Variants in XKR4 observed in about 807,000 individuals in gnomAD.
The protein encoded by XKR4 is XK-related protein 4.
In XKR4, 12 loss-of-function variants were observed where a neutral mutation model predicts 53.9. The observed-to-expected ratio is 0.22, with a 90% CI of 0.14 to 0.36. The LOEUF is 0.36. Among genes scored for constraint, XKR4 ranks in the 10% least tolerant of loss-of-function variants. The pLI is 1.00. For missense variants in XKR4, 799 were observed against 859.5 expected, an observed-to-expected ratio of 0.93 and a Z score of 0.88; for synonymous variants, 354 against 362.4, an observed-to-expected ratio of 0.98 and a Z score of 0.26.
chr8:55,383,504 A>G (rs1804264948), intron 2 of XKR4, among the ~76,000 whole-genome samples: 1 of 152,260 alleles, frequency 6.6e-6, no homozygotes, highest in South Asian at 2.1e-4. Flanking sequence ...CATTCTGATT[A>G]TGTAGAAGAG....
At chr8:55,115,559 C>T (rs559628060) in intron 1 of XKR4, among the ~76,000 whole-genome samples, 22 of 152,208 alleles carry the variant, frequency 1.4e-4, no homozygotes, top group African/African-American at 3.9e-4. Context: ...ACACGCTGGG[C>T]GGATCATGAG....
chr8:55,176,774 A>G (rs920721161), intron 1 of XKR4, among the ~76,000 whole-genome samples: 8 of 152,122 alleles, frequency 5.3e-5, no homozygotes, highest in African/African-American at 1.9e-4. Flanking sequence ...TTTCTCATAC[A>G]TAAATAATGA....
chr8:55,220,019 A>G (rs1817859669), intron 1 of XKR4, among the ~76,000 whole-genome samples: 1 of 152,184 alleles, frequency 6.6e-6, no homozygotes, highest in Non-Finnish European at 1.5e-5. Flanking sequence ...CATAGTTAAA[A>G]ATAATATATT....
chr8:55,449,742 G>A (rs1311967825), intron 2 of XKR4: 5 of 970,848 alleles, frequency 5.2e-6, no homozygotes, highest in Non-Finnish European at 8.4e-6. Flanking sequence ...TCGTAGTAGC[G>A]TAGCTGGTGC....
chr8:55,169,423 A>C (rs1817119294), intron 1 of XKR4, among the ~76,000 whole-genome samples: 1 of 152,240 alleles, frequency 6.6e-6, no homozygotes, highest in South Asian at 2.1e-4. Flanking sequence ...GCCAAACCCA[A>C]TATGAAAGTC....
chr8:55,450,792 C>A, intron 2 of XKR4: 1 of 529,606 alleles, frequency 1.9e-6, no homozygotes, highest in Non-Finnish European at 3.6e-6. Flanking sequence ...AGAACAGCTG[C>A]ACCAAGGATA....
chr8:55,384,552 AG>A (rs1804282816), intron 2 of XKR4, among the ~76,000 whole-genome samples: 1 of 152,234 alleles, frequency 6.6e-6, no homozygotes, highest in South Asian at 2.1e-4. Flanking sequence ...GGCAGTTCCA[AG>A]CAAGGACTCT....
At chr8:55,328,694 C>T (rs370249283) in intron 1 of XKR4, among the ~76,000 whole-genome samples, 5 of 152,160 alleles carry the variant, frequency 3.3e-5, no homozygotes, top group East Asian at 1.9e-4. Context: ...GTGATGCCAC[C>T]GCATGACCTT....
At chr8:55,363,550 TGA>T (rs1336822212) in intron 2 of XKR4, among the ~76,000 whole-genome samples, 1 of 152,204 alleles carries the variant, frequency 6.6e-6, no homozygotes, top group Non-Finnish European at 1.5e-5. Flanking sequence ...CCTCTCCTGT[TGA>T]GCACTCTTGA....
chr8:55,287,931 C>G (rs1305914516), intron 1 of XKR4, among the ~76,000 whole-genome samples: 1 of 152,210 alleles, frequency 6.6e-6, no homozygotes, highest in Non-Finnish European at 1.5e-5. Flanking sequence ...TTACTTTGCA[C>G]AAGACATATC....
Position 55,335,421 on chromosome 8 carries a change from C to T in XKR4, c.807-22257C>T, listed in dbSNP as rs143270258. Among the ~76,000 whole-genome samples, 331 of 151,330 alleles carry T rather than the reference C, an allele frequency of 2.2e-3. 2 individuals carry two copies. Among genetic ancestry groups the T allele is most frequent in the African/African-American group, 7.6e-3 (313 of 41,220 alleles). Reference sequence around the variant, plus strand: ...TATAGATCTTAAAAACATGACACTGCGAGAAAAAAATAAAGGAAAATATTT... The same window carrying T: ...TATAGATCTTAAAAACATGACACTGTGAGAAAAAAATAAAGGAAAATATTT... On this transcript the variant is annotated intron_variant, in intron 1 of 2. Transcript: ENST00000327381.
chr8:55,197,227 T>C (rs985265935), intron 1 of XKR4, among the ~76,000 whole-genome samples: 1 of 152,178 alleles, frequency 6.6e-6, no homozygotes, highest in Non-Finnish European at 1.5e-5. Context: ...CATTTCCATA[T>C]ATCTATAATC....
intron 1 of XKR4, among the ~76,000 whole-genome samples, chr8:55,315,403 A>G (rs141855429): frequency 6.6e-6 from 1 of 152,172 alleles, no homozygotes. Flanking sequence ...AAATAAGTAA[A>G]TAAGATGTGT....
At position 55,527,854 on chromosome 8, in the gene XKR4, A is replaced by G. The variant is rs535521148; in HGVS notation, c.*3627A>G. ...CTAAATGCCCAATTTATTTTGCTCT[A>G]TGAGTAAAGGAAGTGATTGCACAGA... On this transcript the variant is annotated 3_prime_UTR_variant, in exon 3 of 3. Transcript: ENST00000327381. The G allele has an allele frequency of 1.3e-5, 2 of 152,360 alleles. No individual in the cohort carries two copies. The highest frequency in any genetic ancestry group is 1.9e-4 in the East Asian group (1 of 5,196). 9.4% of individuals were successfully genotyped at this position (152,360 alleles called of 1,614,324 possible).
At position 55,526,048 on chromosome 8, in the gene XKR4, C is replaced by G. The variant is rs766361222; in HGVS notation, c.*1821C>G. The G allele has an allele frequency of 5.2e-5, 8 of 152,602 alleles. No homozygotes were observed. The highest frequency in any genetic ancestry group is 1.0e-4 in the Non-Finnish European group (7 of 68,044). 9.5% of individuals were successfully genotyped at this position (152,602 alleles called of 1,614,324 possible). ...CAAAGATGTAAATGATTACTTTCAT[C>G]CATCCATTATAACAAACCTGACCAC... On this transcript the variant is annotated 3_prime_UTR_variant, in exon 3 of 3. Transcript: ENST00000327381.
chr8:55,455,201 G>A (rs1288339789), intron 2 of XKR4: 5 of 454,508 alleles, frequency 1.1e-5, no homozygotes, highest in Non-Finnish European at 2.1e-5. Flanking sequence ...CTCATGGCCC[G>A]GGCCTGGCCC....
intron 2 of XKR4, among the ~76,000 whole-genome samples, chr8:55,482,095 A>G (rs1563363180): frequency 6.6e-6 from 1 of 152,214 alleles, no homozygotes; most frequent in Non-Finnish European, 1.5e-5. Context: ...ACACATGCAC[A>G]CGTATGTTTA....
chr8:55,408,810 A>C lies in XKR4; in HGVS notation c.1006+50933A>C, dbSNP rs187611130. The stretch of plus-strand genomic sequence containing the variant: ...GATCACGGGGTCAGGAGTTCGAGAC[A>C]AGCCTGGCCAATATGGTGAAACCCT... On this transcript the variant is annotated intron_variant, in intron 2 of 2. Coordinates refer to ENST00000327381, the MANE Select transcript of XKR4 (RefSeq NM_052898.2). 1.2e-3 allele frequency among the ~76,000 whole-genome samples: 187 copies of C among 152,148 alleles called. 2 individuals carry two copies. The highest frequency in any genetic ancestry group is 4.3e-3 in the African/African-American group (179 of 41,528).
At chr8:55,346,908 T>C (rs910394444) in intron 1 of XKR4, among the ~76,000 whole-genome samples, 11 of 152,204 alleles carry the variant, frequency 7.2e-5, no homozygotes, top group African/African-American at 2.2e-4. Context: ...TAAAATTCAA[T>C]ATTAGAATAT....
Sources: gnomAD v4.1 joint callset for allele counts (sites outside exome capture counted in the v4.1 genomes callset) on GRCh38, gnomAD v4.1.1 for gene constraint, MANE v1.5 for transcripts, NCBI Gene and HGNC (gene_info 2026-07-23, HGNC 2026-07-21) for gene names.